The following ZNF430 variants were observed in gnomAD, a reference collection of about 807,000 sequenced individuals.
ZNF430 encodes zinc finger protein 430.
A neutral mutation model predicts 56.7 loss-of-function variants in ZNF430; 35 were observed. The ratio of observed to expected loss-of-function variants is 0.62; its 90% CI spans 0.47 to 0.82. The LOEUF (loss-of-function observed/expected upper bound fraction) is 0.82. Ranked by LOEUF, ZNF430 falls within the 40% of genes least tolerant of loss-of-function variation. The probability of loss-of-function intolerance (pLI) is 0.00; values close to 1 mark genes in which losing one functional copy is unlikely to be tolerated. For missense variants in ZNF430, 574 were observed against 661.0 expected, an observed-to-expected ratio of 0.87 and a Z score of 1.44; for synonymous variants, 212 against 224.3, an observed-to-expected ratio of 0.94 and a Z score of 0.49.
At chr19:21,040,208 T>C (rs1263728115) in intron 4 of ZNF430, among the ~76,000 whole-genome samples, 1 of 152,220 alleles carries the variant, frequency 6.6e-6, no homozygotes, top group African/African-American at 2.4e-5. Context: ...TATTGTGTAT[T>C]CTCTTGCTTT....
At chr19:21,025,743 T>A (rs2144750142) in intron 2 of ZNF430, among the ~76,000 whole-genome samples, 1 of 145,110 alleles carries the variant, frequency 6.9e-6, no homozygotes, top group Non-Finnish European at 1.5e-5. Context: ...CCTACCACCA[T>A]GCCTGGCTAA....
rs759005737 is a variant in ZNF430, at chr19:21,056,713, T to C, written c.405T>C (p.Tyr135=). The part of the protein sequence containing the change: ...DSFQEVILRR[Y]GKCGHEDLQL... ...TCCAAGAAGTCATATTGAGAAGATATGGAAAATGTGGACATGAAGATTTAC... is the reference window on the plus strand; with the variant it reads ...TCCAAGAAGTCATATTGAGAAGATACGGAAAATGTGGACATGAAGATTTAC... Residue 135 remains tyrosine (Y), a synonymous_variant, in exon 5 of 5, where the codon TAT becomes TAC. Transcript: ENST00000261560. 12 of 1,609,134 alleles carry C rather than the reference T, an allele frequency of 7.5e-6. No homozygotes were observed. The Admixed American group carries it at 8.4e-5, about 11-fold the overall frequency.
chr19:21,045,624 G>C (rs924414893), intron 4 of ZNF430, among the ~76,000 whole-genome samples: 9 of 152,140 alleles, frequency 5.9e-5, no homozygotes, highest in African/African-American at 1.2e-4. Flanking sequence ...GAATATCTTT[G>C]TTACTTTTCT....
At chr19:21,056,524 T>G in intron 4 of ZNF430, 107 bp from the exon 5 acceptor site, 2 of 802,934 alleles carry the variant, frequency 2.5e-6, no homozygotes, top group East Asian at 6.0e-5. Flanking sequence ...ATTATTTTGC[T>G]ATGCCATCTT....
At chr19:21,021,310 C>T (rs776904208) in intron 1 of ZNF430, among the ~76,000 whole-genome samples, 4 of 152,030 alleles carry the variant, frequency 2.6e-5, no homozygotes, top group Non-Finnish European at 5.9e-5. Context: ...ACCAGCCTGG[C>T]CAGCATAGTG....
intron 4 of ZNF430, among the ~76,000 whole-genome samples, chr19:21,050,853 C>A (rs886989373): frequency 3.9e-5 from 6 of 151,982 alleles, no homozygotes; most frequent in Admixed American, 6.6e-5. Context: ...CTTGGTGAAA[C>A]CCTGTCTCTA....
In ZNF430 at chr19:21,057,810, C is replaced by T. The variant is rs772905053; in HGVS notation, c.1502C>T (p.Thr501Ile). 3 of 1,613,972 alleles carry T rather than the reference C, an allele frequency of 1.9e-6. No homozygotes were observed. The highest frequency in any genetic ancestry group is 1.7e-5 in the Admixed American group (1 of 59,998). Residue 501 changes from threonine to isoleucine, a missense_variant, in exon 5 of 5, where the codon ACT (threonine) becomes ATT (isoleucine). Physicochemically the swap from Thr to Ile is moderately conservative, Grantham distance 89. Coordinates refer to ENST00000261560, the MANE Select transcript of ZNF430 (RefSeq NM_025189.4). ...GCTTTTAACCAATTCTCAAACCTTA[C>T]TAAACATAAGATAACTCATATTGGA... ...GKAFNQFSNL[T>I]KHKITHIGDT...
At chr19:21,036,530 G>A (rs181358971) in intron 4 of ZNF430, 7 of 152,094 alleles carry the variant, frequency 4.6e-5, no homozygotes, top group African/African-American at 1.7e-4. Flanking sequence ...CTATTTAGGT[G>A]TACCTTTTAG....
intron 4 of ZNF430, chr19:21,034,775 G>A (rs1054847445): frequency 1.5e-4 from 23 of 152,164 alleles, no homozygotes; most frequent in African/African-American, 5.1e-4. Flanking sequence ...CTGACCTCAA[G>A]TGATCCACCC....
rs190911366 is a variant in ZNF430 at position 21,033,273 on chromosome 19, G to A, written c.97-183G>A. The stretch of plus-strand genomic sequence containing the variant: ...GGAGGCTGAGGCAGGAGAATCGCTT[G>A]ACGCCGGGATGCAGAGGTTGCCTCT... On this transcript the variant is annotated intron_variant, in intron 2 of 4. Transcript: ENST00000261560. Among the ~76,000 whole-genome samples, 1,198 of 151,944 alleles carry A rather than the reference G, an allele frequency of 7.9e-3. 5 individuals carry two copies. The highest frequency in any genetic ancestry group is 0.028 in the South Asian group (135 of 4,816).
rs1187266089 is a variant in ZNF430 at position 21,057,112 on chromosome 19, A to C, written c.804A>C (p.Lys268Asn). The change falls in exon 5 of 5, where the codon AAA becomes AAC. Residue 268 changes from lysine to asparagine, a missense_variant. Lys to Asn is a moderately conservative substitution (Grantham distance 94). This residue lies in a region of ZNF430 where 346 missense variants were observed against 399.1 expected (regional missense o/e 0.87). Coordinates refer to ENST00000261560, the MANE Select transcript of ZNF430 (RefSeq NM_025189.4). ...CCTACAAATGTGAACAATGTGGCAA[A>C]GCTTTTAAGCAGTCCTCAACCCTTA... is the stretch of plus-strand genomic sequence containing the variant. Reference protein sequence around the residue: ...EKPYKCEQCGKAFKQSSTLTT... With the variant: ...EKPYKCEQCGNAFKQSSTLTT... 5 of 1,614,152 alleles carry C rather than the reference A, an allele frequency of 3.1e-6. No individual in the cohort carries two copies. Among genetic ancestry groups the C allele is most frequent in the Non-Finnish European group, 3.4e-6 (4 of 1,180,008 alleles).
chr19:21,040,865 G>A (rs1049832652), intron 4 of ZNF430, among the ~76,000 whole-genome samples: 4 of 152,054 alleles, frequency 2.6e-5, no homozygotes, highest in African/African-American at 9.7e-5. Flanking sequence ...AGATAGATAT[G>A]ATAGTTATAG....
At position 21,021,788 on chromosome 19, in the gene ZNF430, A is replaced by G. The variant is rs189949080; in HGVS notation, c.3+985A>G. Among the ~76,000 whole-genome samples, 14 of 149,710 alleles carry G rather than the reference A, an allele frequency of 9.4e-5. No individual in the cohort carries two copies. In the East Asian group the frequency reaches 2.5e-3, roughly 27 times the overall value. ...TTAAGCCTGAATTTTGTGTCTTTCA[A>G]TGTAGTAATTTTCAAAACGATGCGC... On this transcript the variant is annotated intron_variant, in intron 1 of 4. Coordinates refer to ENST00000261560, the MANE Select transcript of ZNF430 (RefSeq NM_025189.4).
chr19:21,033,352 A>G, intron 2 of ZNF430, 104 bp from the exon 3 acceptor site: 2 of 1,461,654 alleles, frequency 1.4e-6, no homozygotes, highest in Non-Finnish European at 1.8e-6. Context: ...TGCAAATCAG[A>G]ACCAATTCTC....
intron 2 of ZNF430, among the ~76,000 whole-genome samples, chr19:21,024,317 G>C (rs1475298736): frequency 6.6e-6 from 1 of 152,188 alleles, no homozygotes; most frequent in Non-Finnish European, 1.5e-5. Context: ...GTTAATGTTT[G>C]AAGGCAGTTT....
chr19:21,020,751 G>A lies in ZNF430; in HGVS notation c.-50G>A, dbSNP rs1424210260. 5.6e-6 allele frequency: 9 copies of A among 1,612,266 alleles called. No individual in the cohort carries two copies. Among genetic ancestry groups the A allele is most frequent in the African/African-American group, 1.3e-5 (1 of 74,856 alleles). On this transcript the variant is annotated 5_prime_UTR_variant, in exon 1 of 5. Coordinates refer to ENST00000261560, the MANE Select transcript of ZNF430 (RefSeq NM_025189.4). ...GGCTCTGTGGCCCTGTGACCCGCAGGTATTGGGAGATCTACAGCTAAGACG... is the reference window on the plus strand; with the variant it reads ...GGCTCTGTGGCCCTGTGACCCGCAGATATTGGGAGATCTACAGCTAAGACG...
chr19:21,049,861 T>C (rs990685883), intron 4 of ZNF430, among the ~76,000 whole-genome samples: 1 of 152,130 alleles, frequency 6.6e-6, no homozygotes, highest in Middle Eastern at 3.2e-3. Flanking sequence ...ACATCAAAAT[T>C]TGGGAAGTTC....
At chr19:21,053,974 G>T (rs1968327650) in intron 4 of ZNF430, among the ~76,000 whole-genome samples, 1 of 151,824 alleles carries the variant, frequency 6.6e-6, no homozygotes, top group African/African-American at 2.4e-5. Context: ...ACCTCTAAAA[G>T]ATACAACGAT....
chr19:21,056,520 T>C, intron 4 of ZNF430, 111 bp from the exon 5 acceptor site: 2 of 798,854 alleles, frequency 2.5e-6, no homozygotes, highest in Non-Finnish European at 3.6e-6. Context: ...CTTTATTATT[T>C]TGCTATGCCA....
Sources: gnomAD v4.1 joint callset for allele counts (sites outside exome capture counted in the v4.1 genomes callset) on GRCh38, gnomAD v4.1.1 for gene constraint, gnomAD v4.1.1 regional missense constraint, MANE v1.5 for transcripts, NCBI Gene and HGNC (gene_info 2026-07-23, HGNC 2026-07-21) for gene names.